The following LRRTM4 variants were observed in gnomAD, a reference collection of about 807,000 sequenced individuals.
LRRTM4 encodes leucine rich repeat transmembrane neuronal 4.
In LRRTM4, 25 loss-of-function variants were observed where a neutral mutation model predicts 47.6. That is an observed-to-expected ratio of 0.53 (90% CI 0.38 to 0.73). The LOEUF is 0.73. LRRTM4 is among the 30% of genes least tolerant of loss of function. The pLI is 0.00. For missense variants in LRRTM4, 638 were observed against 713.4 expected (o/e 0.89, Z 1.20); for synonymous variants, 311 against 269.5 (o/e 1.15, Z -1.51).
chr2:76,752,138 T>C (rs979379805), intron 3 of LRRTM4, among the ~76,000 whole-genome samples: 2 of 152,140 alleles, frequency 1.3e-5, no homozygotes, highest in African/African-American at 2.4e-5. Flanking sequence ...CAAACATGTA[T>C]AGAACAGTGA....
intron 3 of LRRTM4, among the ~76,000 whole-genome samples, chr2:76,897,775 T>G (rs1673472720): frequency 6.6e-6 from 1 of 152,150 alleles, no homozygotes. Context: ...TAATTCCCAT[T>G]GCACAGTTAG....
chr2:77,046,679 A>C (rs187235562), intron 3 of LRRTM4, among the ~76,000 whole-genome samples: 69 of 152,132 alleles, frequency 4.5e-4, no homozygotes, highest in African/African-American at 1.6e-3. Context: ...AAATAGTAGA[A>C]AAATAAGATT....
At chr2:77,436,965 A>G (rs1675625769) in intron 3 of LRRTM4, among the ~76,000 whole-genome samples, 1 of 151,920 alleles carries the variant, frequency 6.6e-6, no homozygotes, top group Admixed American at 6.6e-5. Flanking sequence ...ATATATAAAC[A>G]AAAATATTAA....
intron 3 of LRRTM4, among the ~76,000 whole-genome samples, chr2:77,091,773 A>C (rs1399939703): frequency 6.7e-6 from 1 of 150,078 alleles, no homozygotes; most frequent in Non-Finnish European, 1.5e-5. Flanking sequence ...TACTTCAATC[A>C]AGCCCAAATT....
rs377427115 is a variant in LRRTM4 at position 77,205,379 on chromosome 2, C to T, written c.1551+312939G>A. Among the ~76,000 whole-genome samples, 7 of 152,180 alleles carry T rather than the reference C, an allele frequency of 4.6e-5. No homozygotes were observed. The South Asian group carries it at 1.5e-3, about 32-fold the overall frequency. On this transcript the variant is annotated intron_variant, in intron 3 of 3. Transcript: ENST00000409884. ...AATGCAGAGGACTGGGAGGTAATGA[C>T]TGGGGTTTTCTTCAATTAGATTTCA...
intron 3 of LRRTM4, among the ~76,000 whole-genome samples, chr2:76,965,268 T>G (rs191643373): frequency 1.5e-3 from 220 of 151,290 alleles, no homozygotes; most frequent in African/African-American, 5.1e-3. Context: ...TACAGACCAA[T>G]CTCTCTCATG....
chr2:77,500,754 G>C (rs966396737), intron 3 of LRRTM4, among the ~76,000 whole-genome samples: 1 of 151,386 alleles, frequency 6.6e-6, no homozygotes, highest in African/African-American at 2.4e-5. Context: ...CACTTTATTA[G>C]GGTACTGACA....
intron 3 of LRRTM4, among the ~76,000 whole-genome samples, chr2:77,515,519 T>C (rs1679173044): frequency 6.6e-6 from 1 of 151,878 alleles, no homozygotes; most frequent in South Asian, 2.1e-4. Context: ...TTCAAGGCAC[T>C]ATCTTAGAAA....
intron 3 of LRRTM4, among the ~76,000 whole-genome samples, chr2:77,449,660 A>G (rs1381946561): frequency 1.3e-5 from 2 of 152,180 alleles, no homozygotes; most frequent in African/African-American, 2.4e-5. Flanking sequence ...CCGGGACTAT[A>G]CGGAATACAC....
At chr2:77,328,332 TGC>T (rs1670854911) in intron 3 of LRRTM4, among the ~76,000 whole-genome samples, 2 of 152,150 alleles carry the variant, frequency 1.3e-5, no homozygotes, top group African/African-American at 4.8e-5. Context: ...ATAGCAACCT[TGC>T]CAGCTTTGGA....
chr2:77,000,104 T>C (rs563137156), intron 3 of LRRTM4, among the ~76,000 whole-genome samples: 4 of 152,196 alleles, frequency 2.6e-5, no homozygotes, highest in Admixed American at 1.3e-4. Flanking sequence ...ACTTGATGAA[T>C]TGACAAAAGC....
At chr2:77,151,569 T>A (rs1480203319) in intron 3 of LRRTM4, among the ~76,000 whole-genome samples, 1 of 152,292 alleles carries the variant, frequency 6.6e-6, no homozygotes, top group South Asian at 2.1e-4. Context: ...AAATGTGGTA[T>A]AAACATACAG....
At chr2:77,013,505 T>C (rs552546486) in intron 3 of LRRTM4, among the ~76,000 whole-genome samples, 5 of 100,678 alleles carry the variant, frequency 5.0e-5, no homozygotes, top group African/African-American at 2.9e-4. Context: ...TGAAACACTG[T>C]TAAAAAAAAA....
At chr2:77,202,248 A>C (rs1254726289) in intron 3 of LRRTM4, among the ~76,000 whole-genome samples, 1 of 152,148 alleles carries the variant, frequency 6.6e-6, no homozygotes, top group African/African-American at 2.4e-5. Flanking sequence ...TATGCTTTAA[A>C]ATCACCATTT....
At chr2:76,995,787 A>C (rs1400906165) in intron 3 of LRRTM4, among the ~76,000 whole-genome samples, 1 of 152,100 alleles carries the variant, frequency 6.6e-6, no homozygotes, top group African/African-American at 2.4e-5. Context: ...CCCAATTTGC[A>C]GGCTGGAAAC....
chr2:77,349,208 G>T (rs2104292379), intron 3 of LRRTM4, among the ~76,000 whole-genome samples: 1 of 151,984 alleles, frequency 6.6e-6, no homozygotes, highest in African/African-American at 2.4e-5. Flanking sequence ...ATTGACTTTT[G>T]TACCTTGGCT....
At chr2:77,228,647 C>T (rs913978749) in intron 3 of LRRTM4, among the ~76,000 whole-genome samples, 1 of 152,164 alleles carries the variant, frequency 6.6e-6, no homozygotes. Flanking sequence ...AAAGCTGGTG[C>T]TACTTCCAAC....
chr2:77,077,312 T>A (rs1319269407), intron 3 of LRRTM4, among the ~76,000 whole-genome samples: 1 of 152,074 alleles, frequency 6.6e-6, no homozygotes, highest in Non-Finnish European at 1.5e-5. Flanking sequence ...TCTGAAGATG[T>A]GAGATGGGGG....
At chr2:76,903,390 G>A (rs1673710370) in intron 3 of LRRTM4, among the ~76,000 whole-genome samples, 2 of 152,068 alleles carry the variant, frequency 1.3e-5, no homozygotes, top group African/African-American at 4.8e-5. Flanking sequence ...CAAAAATTTA[G>A]CCAGGTGTGG....
Sources: allele counts gnomAD v4.1 joint callset (sites outside exome capture counted in the v4.1 genomes callset), GRCh38; gene constraint gnomAD v4.1.1; transcripts MANE v1.5; gene names NCBI Gene and HGNC (gene_info 2026-07-23, HGNC 2026-07-21).